The following CADM2 variants were observed in gnomAD, a reference collection of about 807,000 sequenced individuals.
CADM2 encodes immunoglobulin superfamily member 4D.
A neutral mutation model predicts 49.8 loss-of-function variants in CADM2; 12 were observed. The ratio of observed to expected loss-of-function variants is 0.24; its 90% CI spans 0.15 to 0.39. The LOEUF (loss-of-function observed/expected upper bound fraction) is 0.39, where lower values mean the gene tolerates loss of function less well. Ranked by LOEUF, CADM2 falls within the 10% of genes least tolerant of loss-of-function variation. CADM2 has a pLI of 1.00. For missense variants in CADM2, 378 were observed against 492.3 expected (o/e 0.77, Z 2.20); for synonymous variants, 214 against 175.4 (o/e 1.22, Z -1.74).
chr3:85,965,763 A>G (rs181467317), intron 8 of CADM2, among the ~76,000 whole-genome samples: 147 of 151,722 alleles, frequency 9.7e-4, no homozygotes, highest in Admixed American at 3.8e-3. Context: ...GCATCCATTC[A>G]CTATAGAGAA....
chr3:85,626,872 A>G (rs893584014), intron 1 of CADM2, among the ~76,000 whole-genome samples: 2 of 152,034 alleles, frequency 1.3e-5, no homozygotes, highest in Non-Finnish European at 1.5e-5. Flanking sequence ...GCTTCAATCA[A>G]TGAGGGGAGA....
chr3:84,984,345 C>A (rs1273813241), intron 1 of CADM2, among the ~76,000 whole-genome samples: 1 of 109,382 alleles, frequency 9.1e-6, no homozygotes, highest in Non-Finnish European at 1.7e-5. Flanking sequence ...ATAGCCACCT[C>A]AAGATTAAGC....
chr3:85,409,056 G>T (rs189554761), intron 1 of CADM2, among the ~76,000 whole-genome samples: 1 of 152,108 alleles, frequency 6.6e-6, no homozygotes, highest in Non-Finnish European at 1.5e-5. Flanking sequence ...ACTTCATTGT[G>T]GTTTACTTAC....
chr3:85,113,408 T>C (rs942265275), intron 1 of CADM2, among the ~76,000 whole-genome samples: 3 of 152,104 alleles, frequency 2.0e-5, no homozygotes, highest in Non-Finnish European at 2.9e-5. Context: ...GCCTGAGACC[T>C]AGTAGGCACC....
At chr3:85,944,788 G>A (rs1722432511) in intron 7 of CADM2, among the ~76,000 whole-genome samples, 1 of 151,728 alleles carries the variant, frequency 6.6e-6, no homozygotes, top group Admixed American at 6.6e-5. Flanking sequence ...GTGTGTAGAG[G>A]GAAATTTATA....
chr3:85,914,291 C>T (rs1233620222), intron 6 of CADM2, among the ~76,000 whole-genome samples: 1 of 151,954 alleles, frequency 6.6e-6, no homozygotes, highest in African/African-American at 2.4e-5. Flanking sequence ...ACTCGTTGAG[C>T]TTTGATTATA....
At chr3:85,063,628 T>C (rs991348389) in intron 1 of CADM2, among the ~76,000 whole-genome samples, 78 of 152,056 alleles carry the variant, frequency 5.1e-4, no homozygotes, top group Non-Finnish European at 1.9e-4. Flanking sequence ...TGGGCTCTCT[T>C]ATTTTAGTTT....
chr3:85,392,274 C>G (rs780043832), intron 1 of CADM2, among the ~76,000 whole-genome samples: 3 of 151,930 alleles, frequency 2.0e-5, no homozygotes, highest in Non-Finnish European at 4.4e-5. Flanking sequence ...GTTCTTACAC[C>G]TGATATAACT....
chr3:85,257,951 GTC>G (rs1650427800), intron 1 of CADM2, among the ~76,000 whole-genome samples: 1 of 152,064 alleles, frequency 6.6e-6, no homozygotes, highest in African/African-American at 2.4e-5. Flanking sequence ...TCAGTATAAT[GTC>G]TTTTTCTTAA....
At chr3:85,056,140 T>C (rs2036070712) in intron 1 of CADM2, among the ~76,000 whole-genome samples, 1 of 152,082 alleles carries the variant, frequency 6.6e-6, no homozygotes, top group South Asian at 2.1e-4. Context: ...TTCTTTGGTG[T>C]ATATCTAGCA....
At chr3:85,857,918 C>A (rs1001705744) in intron 3 of CADM2, among the ~76,000 whole-genome samples, 24 of 152,148 alleles carry the variant, frequency 1.6e-4, no homozygotes, top group Admixed American at 1.4e-3. Context: ...AAACAAAAAT[C>A]TAATTTTAAT....
intron 1 of CADM2, among the ~76,000 whole-genome samples, chr3:85,647,786 A>G (rs965431667): frequency 1.3e-5 from 2 of 151,772 alleles, no homozygotes; most frequent in African/African-American, 2.4e-5. Context: ...GAAAACTACA[A>G]AACCACGTAG....
intron 1 of CADM2, among the ~76,000 whole-genome samples, chr3:85,012,952 A>C (rs1016087713): frequency 6.6e-6 from 1 of 151,804 alleles, no homozygotes; most frequent in Non-Finnish European, 1.5e-5. Context: ...AGAATACCAA[A>C]TTTTGGAGAT....
At chr3:85,858,455 C>A (rs1385840997) in intron 3 of CADM2, among the ~76,000 whole-genome samples, 1 of 152,154 alleles carries the variant, frequency 6.6e-6, no homozygotes, top group Non-Finnish European at 1.5e-5. Flanking sequence ...ACTAACATTG[C>A]AGATTACTTT....
At chr3:85,540,497 C>A (rs913012201) in intron 1 of CADM2, among the ~76,000 whole-genome samples, 1 of 152,130 alleles carries the variant, frequency 6.6e-6, no homozygotes, top group African/African-American at 2.4e-5. Context: ...ATATGCTCAT[C>A]TGTGCTGACA....
At chr3:85,881,757 A>G (rs925621060) in intron 3 of CADM2, among the ~76,000 whole-genome samples, 4 of 152,166 alleles carry the variant, frequency 2.6e-5, no homozygotes, top group African/African-American at 9.7e-5. Context: ...AGCGGTCCCC[A>G]ACCTTTTTGG....
chr3:85,313,939 G>T (rs2044403328), intron 1 of CADM2, among the ~76,000 whole-genome samples: 1 of 152,168 alleles, frequency 6.6e-6, no homozygotes, highest in Admixed American at 6.5e-5. Flanking sequence ...CACCCAGGCT[G>T]GAGTGCAGTC....
chr3:85,951,041 C>T (rs1357085239), intron 7 of CADM2, among the ~76,000 whole-genome samples: 1 of 150,768 alleles, frequency 6.6e-6, no homozygotes, highest in Non-Finnish European at 1.5e-5. Context: ...TTGAGACTGG[C>T]AACAGGAGTC....
intron 1 of CADM2, among the ~76,000 whole-genome samples, chr3:85,411,101 T>C (rs1395943069): frequency 6.6e-6 from 1 of 152,234 alleles, no homozygotes; most frequent in African/African-American, 2.4e-5. Flanking sequence ...AATGTGTTAC[T>C]GTAGGTTATA....
Sources: gnomAD v4.1 joint callset for allele counts (sites outside exome capture counted in the v4.1 genomes callset) on GRCh38, gnomAD v4.1.1 for gene constraint, MANE v1.5 for transcripts, NCBI Gene and HGNC (gene_info 2026-07-23, HGNC 2026-07-21) for gene names.